Variants in UBE3C observed in about 807,000 individuals in gnomAD.
UBE3C encodes the protein ubiquitin protein ligase E3C, also known as ubiquitin-protein ligase E3C.
In UBE3C, 42 loss-of-function variants were observed where a neutral mutation model predicts 129.4. That is an observed-to-expected ratio of 0.32 (90% confidence interval 0.25 to 0.42). UBE3C has a LOEUF of 0.42. Ranked by LOEUF, UBE3C falls within the 10% of genes least tolerant of loss-of-function variation. The pLI, the probability that UBE3C is intolerant of heterozygous loss-of-function variation, is 1.00. For missense variants in UBE3C, 1,049 were observed against 1,319.1 expected (o/e 0.80, Z 3.17); for synonymous variants, 510 against 492.4 (o/e 1.04, Z -0.47).
intron 22 of UBE3C, among the ~76,000 whole-genome samples, chr7:157,264,406 T>TAC (rs56147121): frequency 0.019 from 2,010 of 107,514 alleles, 113 homozygotes; most frequent in African/African-American, 0.072. Context: ...CTCGGCCTGT[T>TAC]ACACACACAC....
At chr7:157,184,216 C>T (rs1808748398) in intron 9 of UBE3C, among the ~76,000 whole-genome samples, 187 bp downstream of exon 9, 2 of 152,172 alleles carry the variant, frequency 1.3e-5, no homozygotes, top group South Asian at 4.1e-4. Context: ...GCTTTGTTAG[C>T]ACGTTCATGG....
chr7:157,256,469 T>A (rs915125128), intron 21 of UBE3C, among the ~76,000 whole-genome samples: 2 of 124,990 alleles, frequency 1.6e-5, no homozygotes, highest in Admixed American at 1.8e-4. Flanking sequence ...TAAGTTGCTC[T>A]CCCCTTCTCG....
At chr7:157,195,769 A>T (rs1178647983) in intron 10 of UBE3C, among the ~76,000 whole-genome samples, 3 of 152,122 alleles carry the variant, frequency 2.0e-5, no homozygotes, top group Non-Finnish European at 4.4e-5. Flanking sequence ...TTGGATTTAG[A>T]GTTGATGCTG....
chr7:157,184,380 T>C (rs2116931547), intron 9 of UBE3C, among the ~76,000 whole-genome samples: 1 of 152,344 alleles, frequency 6.6e-6, no homozygotes, highest in Non-Finnish European at 1.5e-5. Flanking sequence ...CACCGGGTAG[T>C]GTCTTCCATT....
chr7:157,260,598 T>C (rs191670424), intron 22 of UBE3C, among the ~76,000 whole-genome samples: 55 of 152,344 alleles, frequency 3.6e-4, no homozygotes, highest in Non-Finnish European at 5.4e-4. Flanking sequence ...TTTGGTAATT[T>C]TGTCATTAAC....
chr7:157,262,409 CTTTTTTTTTTTTTTTT>C (rs371300314), intron 22 of UBE3C, among the ~76,000 whole-genome samples: 7 of 54,030 alleles, frequency 1.3e-4, no homozygotes, highest in Non-Finnish European at 1.9e-4. Context: ...TCTTCATAGG[CTTTTTTTTTTTTTTTT>C]TTTTTTTTTT....
intron 22 of UBE3C, among the ~76,000 whole-genome samples, chr7:157,260,825 G>A (rs1297611811): frequency 6.6e-6 from 1 of 152,152 alleles, no homozygotes; most frequent in Non-Finnish European, 1.5e-5. Flanking sequence ...TCGAAGTCCT[G>A]CCAGACGTAG....
intron 6 of UBE3C, among the ~76,000 whole-genome samples, chr7:157,179,781 G>C (rs1055464097): frequency 6.6e-6 from 1 of 152,100 alleles, no homozygotes; most frequent in African/African-American, 2.4e-5. Flanking sequence ...GGTCCTCTTG[G>C]TCCTCTGTCA....
chr7:157,241,382 C>T (rs578134073), intron 18 of UBE3C, among the ~76,000 whole-genome samples: 1 of 152,190 alleles, frequency 6.6e-6, no homozygotes. Flanking sequence ...ATGAAGGACT[C>T]CATGATAAAA....
chr7:157,169,127 G>T lies in UBE3C; in HGVS notation c.195+5G>T. 6.2e-7 allele frequency: 1 copy of T among 1,611,986 alleles called. No individual in the cohort carries two copies. Among genetic ancestry groups the T allele is most frequent in the Non-Finnish European group, 8.5e-7 (1 of 1,178,722 alleles). The stretch of plus-strand genomic sequence containing the variant: ...TATAGAGACAGAAAACAGCAAGTAA[G>T]TTTGTTTTAAAATGAGGAGATTAGT... On this transcript the variant is annotated splice_donor_5th_base_variant and intron_variant, in intron 3 of 22. Coordinates refer to ENST00000348165, the MANE Select transcript of UBE3C (RefSeq NM_014671.3).
chr7:157,255,525 C>T (rs1234380178), intron 21 of UBE3C, among the ~76,000 whole-genome samples: 3 of 152,162 alleles, frequency 2.0e-5, no homozygotes, highest in Non-Finnish European at 4.4e-5. Context: ...TCCCCATGAT[C>T]GGGTCATAAG....
At chr7:157,261,530 GT>G (rs915872676) in intron 22 of UBE3C, among the ~76,000 whole-genome samples, 3 of 152,178 alleles carry the variant, frequency 2.0e-5, no homozygotes, top group Non-Finnish European at 4.4e-5. Context: ...GTTGTTATAT[GT>G]TAGACATCCA....
At chr7:157,265,966 G>T (rs1797066585) in intron 22 of UBE3C, among the ~76,000 whole-genome samples, 1 of 152,150 alleles carries the variant, frequency 6.6e-6, no homozygotes, top group Non-Finnish European at 1.5e-5. Context: ...TTTTCATCAT[G>T]CATTTGGTCT....
intron 1 of UBE3C, chr7:157,139,854 C>T (rs963404658): frequency 6.3e-6 from 2 of 317,882 alleles, no homozygotes; most frequent in African/African-American, 4.5e-5. Flanking sequence ...GTGAACGGCA[C>T]GCATTTGCTG....
chr7:157,252,829 A>G (rs1796652331), intron 19 of UBE3C, among the ~76,000 whole-genome samples: 1 of 152,204 alleles, frequency 6.6e-6, no homozygotes, highest in African/African-American at 2.4e-5. Flanking sequence ...TTTTGGGCTT[A>G]TTTTATATTT....
At chr7:157,223,703 C>T (rs1293872264) in intron 16 of UBE3C, among the ~76,000 whole-genome samples, 1 of 152,068 alleles carries the variant, frequency 6.6e-6, no homozygotes, top group Non-Finnish European at 1.5e-5. Context: ...GCAGGTGGAT[C>T]GAGCCCATGA....
In UBE3C at chr7:157,153,297, A is replaced by T. The variant is rs574657104; in HGVS notation, c.67-10513A>T. Among the ~76,000 whole-genome samples the T allele has an allele frequency of 2.6e-5, 4 of 152,298 alleles. No homozygotes were observed. The South Asian group carries it at 8.3e-4, about 32-fold the overall frequency. ...TGGCAGTTAGTATGGTTCACATCAC[A>T]TCTTGCCACTGTGAAACCCCTTTAC... On this transcript the variant is annotated intron_variant, in intron 1 of 22. Coordinates refer to ENST00000348165, the MANE Select transcript of UBE3C (RefSeq NM_014671.3).
chr7:157,178,749 A>C lies in UBE3C; in HGVS notation c.518A>C (p.Glu173Ala), dbSNP rs1387383936. The C allele has an allele frequency of 1.2e-6, 2 of 1,614,238 alleles. No individual in the cohort carries two copies. Among genetic ancestry groups the C allele is most frequent in the South Asian group, 2.2e-5 (2 of 91,088 alleles). The change falls in exon 6 of 23, where the codon GAA becomes GCA. Residue 173 changes from glutamate (E) to alanine (A), a missense_variant. Physicochemically the swap from Glu to Ala is moderately radical, Grantham distance 107. Around this residue, in one of 4 missense-constraint regions of UBE3C, gnomAD observed 489 missense variants for 513.8 expected, o/e 0.95. Transcript: ENST00000348165. ...LNVALPMRML[E>A]VFSSENTYLP... ...GTTGCACTTCCAATGAGAATGCTTG[A>C]AGTATTTTCGTCTGAGAATACTTAC...
intron 1 of UBE3C, among the ~76,000 whole-genome samples, chr7:157,153,038 A>C (rs1338977149): frequency 6.6e-6 from 1 of 152,108 alleles, no homozygotes; most frequent in African/African-American, 2.4e-5. Flanking sequence ...TCTACTAAAA[A>C]TACTGAAATT....
Sources: gnomAD v4.1 joint callset for allele counts (sites outside exome capture counted in the v4.1 genomes callset) on GRCh38, gnomAD v4.1.1 for gene constraint, gnomAD v4.1.1 regional missense constraint, MANE v1.5 for transcripts, NCBI Gene and HGNC (gene_info 2026-07-23, HGNC 2026-07-21) for gene names.